IMMP2L: variants seen among roughly 807,000 people sequenced by gnomAD.
The protein encoded by IMMP2L is inner mitochondrial membrane peptidase subunit 2, also known as mitochondrial inner membrane protease subunit 2.
Under a neutral mutation model 19.3 loss-of-function variants are expected in IMMP2L, and 18 were observed. The ratio of observed to expected loss-of-function variants is 0.93; its 90% CI spans 0.64 to 1.38. The LOEUF (loss-of-function observed/expected upper bound fraction) is 1.38, where lower values mean the gene tolerates loss of function less well. Ranked by LOEUF, IMMP2L falls within the 40% of genes most tolerant of loss-of-function variation. IMMP2L has a pLI of 0.00. For synonymous variants in IMMP2L, 76 were observed against 73.0 expected (o/e 1.04, Z -0.21); for missense variants, 233 against 218.2 (o/e 1.07, Z -0.43).
chr7:110,818,460 A>G (rs912601413), intron 5 of IMMP2L, among the ~76,000 whole-genome samples: 1 of 152,068 alleles, frequency 6.6e-6, no homozygotes, highest in Non-Finnish European at 1.5e-5. Flanking sequence ...AAAGTCAGGA[A>G]ACAACAGGTG....
At chr7:110,759,197 C>T (rs1284908543) in intron 5 of IMMP2L, among the ~76,000 whole-genome samples, 1 of 152,034 alleles carries the variant, frequency 6.6e-6, no homozygotes, top group Non-Finnish European at 1.5e-5. Flanking sequence ...CCTGAGTCAC[C>T]CCCAGGGAGA....
intron 3 of IMMP2L, among the ~76,000 whole-genome samples, chr7:111,211,910 T>C (rs1811358495): frequency 6.6e-6 from 1 of 152,112 alleles, no homozygotes; most frequent in South Asian, 2.1e-4. Context: ...GGCAGGAGAA[T>C]GGCATGAACC....
At chr7:111,215,831 T>C (rs1024349263) in intron 3 of IMMP2L, among the ~76,000 whole-genome samples, 1 of 152,166 alleles carries the variant, frequency 6.6e-6, no homozygotes, top group African/African-American at 2.4e-5. Context: ...TCCTTCTTCA[T>C]TTCTCATCTG....
chr7:111,472,934 AAAAGAAAAAAAAG>A (rs1479920118), intron 3 of IMMP2L, among the ~76,000 whole-genome samples: 1 of 152,088 alleles, frequency 6.6e-6, no homozygotes, highest in Non-Finnish European at 1.5e-5. Flanking sequence ...AGTCTCTACT[AAAAGAAAAAAAAG>A]AAAGAAAAAA....
At chr7:110,669,328 TTC>T (rs1047893519) in intron 5 of IMMP2L, among the ~76,000 whole-genome samples, 1 of 152,122 alleles carries the variant, frequency 6.6e-6, no homozygotes, top group Non-Finnish European at 1.5e-5. Context: ...GGTGTGTTCC[TTC>T]TTACTCAGGG....
chr7:110,795,157 A>G (rs968040351), intron 5 of IMMP2L, among the ~76,000 whole-genome samples: 1 of 152,150 alleles, frequency 6.6e-6, no homozygotes, highest in African/African-American at 2.4e-5. Context: ...TGCAAATTTT[A>G]TGATGGAGCC....
chr7:110,748,215 G>T (rs574694077), intron 5 of IMMP2L, among the ~76,000 whole-genome samples: 4 of 152,130 alleles, frequency 2.6e-5, no homozygotes, highest in African/African-American at 7.2e-5. Context: ...TCTTCAAGGA[G>T]AACTATAAAC....
chr7:110,787,520 T>C (rs1003659732), intron 5 of IMMP2L, among the ~76,000 whole-genome samples: 3 of 151,946 alleles, frequency 2.0e-5, no homozygotes, highest in Non-Finnish European at 1.5e-5. Context: ...CTAGAAAATA[T>C]ATAATTCTCC....
At chr7:110,920,322 C>A (rs1212622134) in intron 4 of IMMP2L, among the ~76,000 whole-genome samples, 1 of 152,162 alleles carries the variant, frequency 6.6e-6, no homozygotes, top group Non-Finnish European at 1.5e-5. Flanking sequence ...CAGAGGTATG[C>A]ACCCTAGGTA....
intron 3 of IMMP2L, among the ~76,000 whole-genome samples, chr7:111,088,915 G>A (rs1796579617): frequency 6.6e-6 from 1 of 152,118 alleles, no homozygotes; most frequent in African/African-American, 2.4e-5. Flanking sequence ...GAACAGAATC[G>A]CCATCCTTTT....
intron 3 of IMMP2L, among the ~76,000 whole-genome samples, chr7:111,373,172 T>C (rs1830399465): frequency 6.7e-6 from 1 of 150,348 alleles, no homozygotes; most frequent in African/African-American, 2.4e-5. Context: ...CACAGGGTAG[T>C]TGTTAAATGA....
rs58224781 is a variant in IMMP2L at position 110,727,390 on chromosome 7, CTAAATAAA to C, written c.409-63677_409-63670del. ...TGGATGACAGAGTGAGACTCTGTCTCTAAATAAATAAATAAATAAATAAATAAATATTA... is the reference window on the plus strand; with the variant it reads ...TGGATGACAGAGTGAGACTCTGTCTCTAAATAAATAAATAAATAAATATTA... On this transcript the variant is annotated intron_variant, in intron 5 of 5. Transcript: ENST00000405709. This position sits in a 1 kb window ranked among gnomAD's most constrained non-coding sequence, Gnocchi z 4.3. Among the ~76,000 whole-genome samples, 86 of 147,538 alleles carry C rather than the reference CTAAATAAA, an allele frequency of 5.8e-4. No individual in the cohort carries two copies. Among genetic ancestry groups the C allele is most frequent in the Middle Eastern group, 3.4e-3 (1 of 292 alleles).
rs763929508 is a variant in IMMP2L, at chr7:111,281,269, GAA to G, written c.239+205967_239+205968del. Among the ~76,000 whole-genome samples, 127 of 148,002 alleles carry G rather than the reference GAA, an allele frequency of 8.6e-4. 2 individuals carry two copies. The highest frequency in any genetic ancestry group is 1.4e-3 in the Non-Finnish European group (94 of 66,578). ...GAAGAGAGAGAGAGAAAGAGAGAGA[GAA>G]AGAAAGAGAAGGAAAGAAAGAAGGA... On this transcript the variant is annotated intron_variant, in intron 3 of 5. Transcript: ENST00000405709.
intron 3 of IMMP2L, among the ~76,000 whole-genome samples, chr7:111,287,062 G>C (rs1477656540): frequency 6.6e-6 from 1 of 152,130 alleles, no homozygotes; most frequent in Admixed American, 6.6e-5. Context: ...TAAAATATCA[G>C]AGGATCTCTG....
At chr7:111,370,525 G>A (rs191406861) in intron 3 of IMMP2L, among the ~76,000 whole-genome samples, 22 of 152,062 alleles carry the variant, frequency 1.4e-4, no homozygotes, top group Admixed American at 1.1e-3. Context: ...TTGTTCAAAC[G>A]TAACTTCCCT....
chr7:111,478,177 C>A (rs766063943), intron 3 of IMMP2L, among the ~76,000 whole-genome samples: 1 of 151,936 alleles, frequency 6.6e-6, no homozygotes, highest in Non-Finnish European at 1.5e-5. Context: ...TTCTTTTATT[C>A]CTCCCATGCA....
intron 5 of IMMP2L, among the ~76,000 whole-genome samples, chr7:110,854,610 A>G (rs2131550224): frequency 6.6e-6 from 1 of 152,154 alleles, no homozygotes; most frequent in East Asian, 1.9e-4. Flanking sequence ...ATGAAATAAC[A>G]TTAACAGATA....
intron 5 of IMMP2L, among the ~76,000 whole-genome samples, chr7:110,673,572 C>A (rs1198265475): frequency 6.6e-6 from 1 of 152,194 alleles, no homozygotes; most frequent in African/African-American, 2.4e-5. Flanking sequence ...ACTCTGTTAC[C>A]TCTTGAATGC....
chr7:111,212,557 G>C (rs1023390319), intron 3 of IMMP2L, among the ~76,000 whole-genome samples: 1 of 152,032 alleles, frequency 6.6e-6, no homozygotes, highest in Non-Finnish European at 1.5e-5. Context: ...GCTGCAGTGA[G>C]CTGAGATCAC....
Sources: gnomAD v4.1 joint callset for allele counts (sites outside exome capture counted in the v4.1 genomes callset) on GRCh38, gnomAD v4.1.1 for gene constraint, Gnocchi (gnomAD v3.1) non-coding constraint, MANE v1.5 for transcripts, NCBI Gene and HGNC (gene_info 2026-07-23, HGNC 2026-07-21) for gene names.